ASTN2: variants seen among roughly 807,000 people sequenced by gnomAD.
ASTN2 encodes astrotactin-2.
Under a neutral mutation model 139.8 loss-of-function variants are expected in ASTN2, and 54 were observed. The ratio of observed to expected loss-of-function variants is 0.39; its 90% CI spans 0.31 to 0.48. The LOEUF (loss-of-function observed/expected upper bound fraction) is 0.48, where lower values mean the gene tolerates loss of function less well. ASTN2 is among the 20% of genes least tolerant of loss of function. The probability of loss-of-function intolerance (pLI) is 0.95; values close to 1 mark genes in which losing one functional copy is unlikely to be tolerated. For missense variants in ASTN2, 1,565 were observed against 1,725.1 expected, an observed-to-expected ratio of 0.91 and a Z score of 1.64; for synonymous variants, 756 against 719.5, an observed-to-expected ratio of 1.05 and a Z score of -0.81.
chr9:117,143,709 C>T (rs1421674761), intron 3 of ASTN2, among the ~76,000 whole-genome samples: 1 of 151,900 alleles, frequency 6.6e-6, no homozygotes, highest in Admixed American at 6.6e-5. Flanking sequence ...CATCAGGGTG[C>T]CATGGTTTTG....
intron 12 of ASTN2, among the ~76,000 whole-genome samples, chr9:116,815,177 C>T (rs1234359783): frequency 1.3e-5 from 2 of 152,132 alleles, no homozygotes; most frequent in Non-Finnish European, 2.9e-5. Flanking sequence ...TCTGTTCTGT[C>T]GTTCAGTGTT....
chr9:116,623,852 T>A (rs1856300793), intron 17 of ASTN2, among the ~76,000 whole-genome samples: 1 of 152,134 alleles, frequency 6.6e-6, no homozygotes, highest in Non-Finnish European at 1.5e-5. Flanking sequence ...ATGCCAAGAT[T>A]TGATCCAAAA....
intron 16 of ASTN2, among the ~76,000 whole-genome samples, chr9:116,664,340 C>T (rs1053581553): frequency 6.6e-6 from 1 of 151,074 alleles, no homozygotes; most frequent in African/African-American, 2.4e-5. Context: ...CTTGGCCTCC[C>T]AAAGTGTTGG....
At chr9:117,256,647 T>C (rs1021178613) in intron 2 of ASTN2, among the ~76,000 whole-genome samples, 2 of 152,122 alleles carry the variant, frequency 1.3e-5, no homozygotes, top group African/African-American at 2.4e-5. Flanking sequence ...GACTACGTTA[T>C]AGTAGCATAA....
At chr9:116,598,354 T>C (rs1854694112) in intron 19 of ASTN2, among the ~76,000 whole-genome samples, 1 of 152,208 alleles carries the variant, frequency 6.6e-6, no homozygotes, top group Non-Finnish European at 1.5e-5. Flanking sequence ...CCCATGTATG[T>C]GTCGGCCATA....
chr9:116,942,452 C>T (rs1164562290), intron 10 of ASTN2, among the ~76,000 whole-genome samples: 1 of 152,168 alleles, frequency 6.6e-6, no homozygotes. Context: ...CCCGGGGAGT[C>T]CTGGGTGCTA....
intron 1 of ASTN2, among the ~76,000 whole-genome samples, chr9:117,312,261 T>C (rs1418948961): frequency 6.6e-6 from 1 of 152,206 alleles, no homozygotes; most frequent in Non-Finnish European, 1.5e-5. Flanking sequence ...TGTAGGCTAT[T>C]TTCATCAAAG....
intron 20 of ASTN2, among the ~76,000 whole-genome samples, chr9:116,482,282 C>T (rs780033336): frequency 1.4e-4 from 22 of 152,142 alleles, no homozygotes; most frequent in African/African-American, 2.2e-4. Flanking sequence ...GCCAAGATTG[C>T]GCCCCTGCAC....
At chr9:117,287,037 T>C (rs530531516) in intron 2 of ASTN2, among the ~76,000 whole-genome samples, 1 of 152,262 alleles carries the variant, frequency 6.6e-6, no homozygotes, top group Non-Finnish European at 1.5e-5. Flanking sequence ...CATCTGTAAA[T>C]GAAGGGCAAC....
intron 7 of ASTN2, among the ~76,000 whole-genome samples, chr9:116,996,419 C>T (rs1310799813): frequency 6.6e-6 from 1 of 152,076 alleles, no homozygotes; most frequent in Non-Finnish European, 1.5e-5. Flanking sequence ...TGACAGTTAT[C>T]ACTGTATAAA....
At chr9:117,307,521 A>G (rs1247010313) in intron 1 of ASTN2, among the ~76,000 whole-genome samples, 3 of 152,350 alleles carry the variant, frequency 2.0e-5, no homozygotes, top group East Asian at 1.9e-4. Flanking sequence ...CAGTGTTCAC[A>G]GGGATATGTA....
rs1588076317 is a variant in ASTN2, at chr9:116,456,178, C to G, written c.3498-13625G>C. 2.0e-5 allele frequency among the ~76,000 whole-genome samples: 3 copies of G among 150,988 alleles called. No homozygotes were observed. In the South Asian group the frequency reaches 6.4e-4, roughly 32 times the overall value. ...ACAAAATCAGGAAAGTTGTAGGATA[C>G]AAAATCAACATACAAAATAAGTAGC... is the stretch of plus-strand genomic sequence containing the variant. On this transcript the variant is annotated intron_variant, in intron 20 of 22. Coordinates refer to ENST00000313400, the MANE Select transcript of ASTN2 (RefSeq NM_001365068.1).
At chr9:117,071,188 T>C (rs1194851980) in intron 5 of ASTN2, among the ~76,000 whole-genome samples, 37 of 151,640 alleles carry the variant, frequency 2.4e-4, no homozygotes, top group East Asian at 5.8e-4. Flanking sequence ...GATGGGTTTT[T>C]GGTGTGGATG....
chr9:116,886,697 TA>T (rs375987826), intron 10 of ASTN2, among the ~76,000 whole-genome samples: 4,251 of 151,972 alleles, frequency 0.028, 225 homozygotes, highest in African/African-American at 0.098. Flanking sequence ...TTTTGTTTTT[TA>T]GTGGGGATAG....
At chr9:116,457,378 C>A (rs977009092) in intron 20 of ASTN2, among the ~76,000 whole-genome samples, 1 of 151,936 alleles carries the variant, frequency 6.6e-6, no homozygotes, top group African/African-American at 2.4e-5. Flanking sequence ...GAAAACTGCA[C>A]AGCAAAGGAA....
At chr9:117,088,534 G>A (rs1334086) in intron 5 of ASTN2, among the ~76,000 whole-genome samples, 56,200 of 152,016 alleles carry the variant, frequency 0.37, 11,354 homozygotes, top group Middle Eastern at 0.53. Context: ...GGTGGGAGGA[G>A]AATCATAAAG....
At chr9:116,685,285 C>T (rs1426680160) in intron 16 of ASTN2, among the ~76,000 whole-genome samples, 2 of 152,168 alleles carry the variant, frequency 1.3e-5, no homozygotes, top group East Asian at 1.9e-4. Flanking sequence ...TGACCAACAG[C>T]GCTCCTGGCT....
At chr9:116,645,672 C>T (rs1857554743) in intron 17 of ASTN2, among the ~76,000 whole-genome samples, 1 of 152,184 alleles carries the variant, frequency 6.6e-6, no homozygotes, top group Admixed American at 6.5e-5. Context: ...AGTTCTCATA[C>T]AGAGGAACTT....
chr9:117,012,095 G>A (rs6478269), intron 6 of ASTN2, among the ~76,000 whole-genome samples: 115,290 of 152,106 alleles, frequency 0.76, 44,753 homozygotes, highest in South Asian at 0.88. Flanking sequence ...TGAATGTCAA[G>A]TGCATTAATG....
Sources: allele counts gnomAD v4.1 joint callset (sites outside exome capture counted in the v4.1 genomes callset), GRCh38; gene constraint gnomAD v4.1.1; transcripts MANE v1.5; gene names NCBI Gene and HGNC (gene_info 2026-07-23, HGNC 2026-07-21).